Variants in VSIG1 observed in about 807,000 individuals in gnomAD.
VSIG1 encodes the protein V-set and immunoglobulin domain-containing protein 1.
In VSIG1, 11 loss-of-function variants were observed where a neutral mutation model predicts 20.1. The observed-to-expected ratio is 0.55, with a 90% CI of 0.34 to 0.91. The LOEUF (loss-of-function observed/expected upper bound fraction) is 0.91, where lower values mean the gene tolerates loss of function less well. VSIG1 is among the 40% of genes least tolerant of loss of function. The probability of loss-of-function intolerance (pLI) is 0.02; values close to 1 mark genes in which losing one functional copy is unlikely to be tolerated. For synonymous variants in VSIG1, 126 were observed against 116.7 expected (o/e 1.08, Z -0.52); for missense variants, 283 against 298.8 (o/e 0.95, Z 0.39).
At position 108,045,091 on chromosome X, in the gene VSIG1, A is replaced by G. The variant is rs768407727; in HGVS notation, c.-40A>G. ...ATTTGAGACTCAGCCTAGTCCAGGC[A>G]AGCTACTGGCACCTGCTGCTCTCAA... On this transcript the variant is annotated 5_prime_UTR_variant, in exon 1 of 7. Transcript: ENST00000217957. 1.1e-5 allele frequency: 13 copies of G among 1,137,258 alleles called. No individual in the cohort carries two copies. The highest frequency in any genetic ancestry group is 1.4e-5 in the Non-Finnish European group (12 of 850,931). 93.7% of individuals were successfully genotyped at this position (1,137,258 alleles called of 1,213,427 possible). A position where few individuals can be genotyped will look rare whatever the true frequency, so the allele number is the denominator to read the frequency against.
At chrX:108,068,251 T>C (rs2031172438) in intron 3 of VSIG1, among the ~76,000 whole-genome samples, 1 of 111,708 alleles carries the variant, frequency 9.0e-6, no homozygotes, top group Admixed American at 9.5e-5. Flanking sequence ...GTGGGTTAGC[T>C]TAATCAATCA....
At chrX:108,063,143 A>G (rs1035979792) in intron 2 of VSIG1, among the ~76,000 whole-genome samples, 2 of 112,157 alleles carry the variant, frequency 1.8e-5, no homozygotes, top group African/African-American at 6.5e-5. Context: ...TATTGAGGGC[A>G]TCATGTGGTG....
rs369519557 is a variant in VSIG1 at position 108,060,432 on chromosome X, C to T, written c.213+2231C>T. On this transcript the variant is annotated intron_variant, in intron 2 of 6. Transcript: ENST00000217957. Reference sequence around the variant, plus strand: ...TCCCACAGCTTGGGAGCAATAACAACCATCCCCCTAAAGGCAAATTTTATC... The same window carrying T: ...TCCCACAGCTTGGGAGCAATAACAATCATCCCCCTAAAGGCAAATTTTATC... Among the ~76,000 whole-genome samples the T allele has an allele frequency of 7.8e-4, 87 of 110,833 alleles. 3 individuals carry two copies. The East Asian group carries it at 0.023, about 30-fold the overall frequency.
chrX:108,065,750 T>G (rs911875062), intron 2 of VSIG1, among the ~76,000 whole-genome samples: 4 of 112,380 alleles, frequency 3.6e-5, no homozygotes, highest in Non-Finnish European at 7.5e-5. Context: ...ATAGATTTAA[T>G]GTGCTAGATT....
intron 2 of VSIG1, chrX:108,061,659 C>A: frequency 1.9e-6 from 1 of 539,468 alleles, no homozygotes; most frequent in Non-Finnish European, 3.1e-6. Flanking sequence ...TCAGCACAAG[C>A]CCCTGACAAA....
chrX:108,047,955 C>CACATATATATAT (rs2030673373), intron 1 of VSIG1, among the ~76,000 whole-genome samples: 1 of 13,731 alleles, frequency 7.3e-5, no homozygotes, highest in Non-Finnish European at 1.0e-4. Context: ...TATATATATA[C>CACATATATATAT]ACACACATAT....
intron 1 of VSIG1, among the ~76,000 whole-genome samples, chrX:108,057,508 G>T (rs943239048): frequency 5.4e-5 from 6 of 112,028 alleles, no homozygotes; most frequent in African/African-American, 1.9e-4. Flanking sequence ...CTGGGAACTG[G>T]GTAAAGTGTA....
intron 3 of VSIG1, 65 bp from the exon 4 acceptor site, chrX:108,072,612 G>A: frequency 9.8e-7 from 1 of 1,015,360 alleles, no homozygotes; most frequent in Non-Finnish European, 1.4e-6. Context: ...GTGAGGAAGT[G>A]ACTGCAATTG....
At chrX:108,047,290 G>A (rs1483270349) in intron 1 of VSIG1, among the ~76,000 whole-genome samples, 1 of 111,619 alleles carries the variant, frequency 9.0e-6, no homozygotes, top group Non-Finnish European at 1.9e-5. Context: ...AACTAAACAG[G>A]TCAGATTTTG....
chrX:108,045,351 T>C (rs1277659610), intron 1 of VSIG1, among the ~76,000 whole-genome samples, 172 bp downstream of exon 1: 1 of 112,685 alleles, frequency 8.9e-6, no homozygotes, highest in Admixed American at 9.4e-5. Flanking sequence ...GCCATGCTGA[T>C]ATATTAGGGG....
At chrX:108,023,439 C>G in the VSIG1 span, among the ~76,000 whole-genome samples, 1 of 111,964 alleles carries the variant, frequency 8.9e-6, no homozygotes. Flanking sequence ...ACTTTGATAT[C>G]AGGGTAATGC....
At chrX:108,032,655 A>G in the VSIG1 span, among the ~76,000 whole-genome samples, 3 of 111,823 alleles carry the variant, frequency 2.7e-5, no homozygotes, top group African/African-American at 9.7e-5. Context: ...CCTACAGACA[A>G]CTGGAGAAGA....
intron 2 of VSIG1, chrX:108,064,602 G>T: frequency 3.6e-6 from 1 of 279,643 alleles, no homozygotes; most frequent in Non-Finnish European, 4.9e-6. Flanking sequence ...TTTTCACCTG[G>T]ATCCTCTGGG....
intron 3 of VSIG1, 45 bp from the exon 4 acceptor site, chrX:108,072,632 G>A (rs1316470040): frequency 4.5e-6 from 5 of 1,122,511 alleles, no homozygotes; most frequent in Middle Eastern, 2.5e-4. Context: ...GTCACAGAAT[G>A]CCATTCATCC....
At chrX:108,034,346 G>A in the VSIG1 span, among the ~76,000 whole-genome samples, 6 of 111,724 alleles carry the variant, frequency 5.4e-5, no homozygotes, top group Non-Finnish European at 9.4e-5. Context: ...GGCATATTAG[G>A]AGCCAAGATG....
chrX:108,031,735 A>G, the VSIG1 span, among the ~76,000 whole-genome samples: 1 of 112,610 alleles, frequency 8.9e-6, no homozygotes, highest in Non-Finnish European at 1.9e-5. Flanking sequence ...TGTTGTTTAA[A>G]TTGACAGATA....
At chrX:108,068,084 G>C (rs756955524) in intron 3 of VSIG1, among the ~76,000 whole-genome samples, 2 of 111,985 alleles carry the variant, frequency 1.8e-5, no homozygotes, top group Non-Finnish European at 3.8e-5. Context: ...GCAGCAATTG[G>C]TAACAAGGTG....
rs191867997 is a variant in VSIG1, at chrX:108,078,689, C to T, written c.*1308C>T. 8.9e-6 allele frequency: 1 copy of T among 112,474 alleles called. No individual in the cohort carries two copies. The highest frequency in any genetic ancestry group is 3.2e-5 in the African/African-American group (1 of 31,019). The allele number at this position is 112,474 out of a possible 1,213,427, so 9.3% of individuals were successfully genotyped here. A position where few individuals can be genotyped will look rare whatever the true frequency, so the allele number is the denominator to read the frequency against. The stretch of plus-strand genomic sequence containing the variant: ...GGCAAACACTTTCAAATATAATTTC[C>T]TTCAGTGAATACAAAATGTTGATAT... On this transcript the variant is annotated 3_prime_UTR_variant, in exon 7 of 7. Coordinates refer to ENST00000217957, the MANE Select transcript of VSIG1 (RefSeq NM_182607.5).
the VSIG1 span, among the ~76,000 whole-genome samples, chrX:108,026,460 T>G: frequency 7.2e-5 from 8 of 111,324 alleles, no homozygotes; most frequent in Admixed American, 9.6e-5. Context: ...TAGTAAAGCC[T>G]GTATGTGCTC....
Sources: allele counts gnomAD v4.1 joint callset (sites outside exome capture counted in the v4.1 genomes callset), GRCh38; gene constraint gnomAD v4.1.1; transcripts MANE v1.5; gene names NCBI Gene and HGNC (gene_info 2026-07-23, HGNC 2026-07-21).